Variants in CLEC16A observed in about 807,000 individuals in gnomAD.
CLEC16A encodes protein CLEC16A.
A neutral mutation model predicts 109.5 loss-of-function variants in CLEC16A; 51 were observed. The ratio of observed to expected loss-of-function variants is 0.47; its 90% confidence interval spans 0.37 to 0.59. The LOEUF (loss-of-function observed/expected upper bound fraction) is 0.59, where lower values mean the gene tolerates loss of function less well. Among genes scored for constraint, CLEC16A ranks in the 20% least tolerant of loss-of-function variants. CLEC16A has a pLI of 0.00. For synonymous variants in CLEC16A, 673 were observed against 564.2 expected, an observed-to-expected ratio of 1.19 and a Z score of -2.73; for missense variants, 1,339 against 1,394.0, an observed-to-expected ratio of 0.96 and a Z score of 0.63.
intron 19 of CLEC16A, among the ~76,000 whole-genome samples, chr16:11,092,488 G>A (rs1384452803): frequency 6.6e-6 from 1 of 151,984 alleles, no homozygotes; most frequent in Admixed American, 6.6e-5. Context: ...AGGTTCCCGT[G>A]AGCCAAGATC....
At chr16:11,112,805 TG>T (rs1301393401) in intron 19 of CLEC16A, among the ~76,000 whole-genome samples, 1 of 152,238 alleles carries the variant, frequency 6.6e-6, no homozygotes, top group Non-Finnish European at 1.5e-5. Flanking sequence ...CTAGGAGGCA[TG>T]CCATACCTTC....
intron 13 of CLEC16A, among the ~76,000 whole-genome samples, chr16:11,034,976 C>T (rs567265810): frequency 6.6e-6 from 1 of 152,002 alleles, no homozygotes; most frequent in African/African-American, 2.4e-5. Context: ...AGCCGTCTTA[C>T]CTTTCACATG....
In CLEC16A at chr16:11,178,482, C is replaced by G. The variant is rs1490399396; in HGVS notation, c.2954C>G (p.Pro985Arg). 1 of 1,613,554 alleles carries G rather than the reference C, an allele frequency of 6.2e-7. No individual in the cohort carries two copies. Among genetic ancestry groups the G allele is most frequent in the Non-Finnish European group, 8.5e-7 (1 of 1,179,902 alleles). ...ETASLSPSLV[P>R]ARQPTISLLC... ...GCCAGCCTGTCCCCCAGCCTCGTCC[C>G]TGCCCGGCAGCCCACCATTTCCCTG... is the stretch of plus-strand genomic sequence containing the variant. Residue 985 changes from proline to arginine, a missense_variant, in exon 24 of 24, where the codon CCT becomes CGT. Pro to Arg is a moderately radical substitution (Grantham distance 103). Coordinates refer to ENST00000409790, the MANE Select transcript of CLEC16A (RefSeq NM_015226.3). The surrounding 1 kb of genome is among the most constrained non-coding windows in gnomAD (Gnocchi z 6.5).
At chr16:10,975,682 C>G (rs1411186383) in intron 7 of CLEC16A, among the ~76,000 whole-genome samples, 1 of 152,060 alleles carries the variant, frequency 6.6e-6, no homozygotes, top group Non-Finnish European at 1.5e-5. Flanking sequence ...GAGTCTTGCT[C>G]TGTCACCCAG....
chr16:11,080,073 C>T (rs1318112247), intron 19 of CLEC16A, among the ~76,000 whole-genome samples: 1 of 152,236 alleles, frequency 6.6e-6, no homozygotes, highest in Non-Finnish European at 1.5e-5. Flanking sequence ...CTGTTTCCCA[C>T]CAGAAACACA....
chr16:11,131,191 C>G (rs1225200588), intron 22 of CLEC16A, among the ~76,000 whole-genome samples: 3 of 152,194 alleles, frequency 2.0e-5, no homozygotes, highest in Non-Finnish European at 2.9e-5. Flanking sequence ...CAGGCCTAGA[C>G]TCTAGCCTGA....
At chr16:11,142,898 C>A (rs2053902651) in intron 22 of CLEC16A, among the ~76,000 whole-genome samples, 1 of 152,180 alleles carries the variant, frequency 6.6e-6, no homozygotes, top group Admixed American at 6.5e-5. Flanking sequence ...GCAACCTCCG[C>A]CCCCCTGGTT....
intron 15 of CLEC16A, among the ~76,000 whole-genome samples, 159 bp from the exon 16 acceptor site, chr16:11,043,869 A>G (rs2047483244): frequency 6.7e-6 from 1 of 149,622 alleles, no homozygotes; most frequent in South Asian, 2.2e-4. Context: ...ACAAGACTCC[A>G]TCTCAAGAAA....
At chr16:11,086,451 G>A (rs187066698) in intron 19 of CLEC16A, among the ~76,000 whole-genome samples, 7 of 152,332 alleles carry the variant, frequency 4.6e-5, no homozygotes, top group East Asian at 3.9e-4. Flanking sequence ...GTAAGGCTTC[G>A]GATAGTACCT....
chr16:11,044,709 T>C (rs2047540755), intron 16 of CLEC16A, among the ~76,000 whole-genome samples: 1 of 151,922 alleles, frequency 6.6e-6, no homozygotes, highest in African/African-American at 2.4e-5. Context: ...GGCAGGTGGA[T>C]CACCTGAGGT....
chr16:11,002,543 C>T (rs1157683256), intron 10 of CLEC16A, among the ~76,000 whole-genome samples: 2 of 152,076 alleles, frequency 1.3e-5, no homozygotes, highest in African/African-American at 4.8e-5. Context: ...GGCAGTGTTG[C>T]CACATTGATG....
Position 11,013,232 on chromosome 16 carries a change from A to G in CLEC16A, c.1304-6961A>G, listed in dbSNP as rs576520790. ...TAATGCAACAATGTTGAATGAAATGATGTTATTCAAAGATCTGCTGTATTG... is the reference window on the plus strand; with the variant it reads ...TAATGCAACAATGTTGAATGAAATGGTGTTATTCAAAGATCTGCTGTATTG... On this transcript the variant is annotated intron_variant, in intron 11 of 23. Coordinates refer to ENST00000409790, the MANE Select transcript of CLEC16A (RefSeq NM_015226.3). Among the ~76,000 whole-genome samples the G allele has an allele frequency of 7.7e-4, 118 of 152,338 alleles. 1 individual carries two copies. The highest frequency in any genetic ancestry group is 1.7e-3 in the South Asian group (8 of 4,828).
rs576363886 is a variant in CLEC16A at position 10,994,579 on chromosome 16, C to T, written c.1072-8495C>T. The stretch of plus-strand genomic sequence containing the variant: ...TAAAAATGTGAAAAGATGTGTGTGT[C>T]TGTGGTCCCAGCTACATGGGAGGCT... On this transcript the variant is annotated intron_variant, in intron 10 of 23. Transcript: ENST00000409790. Among the ~76,000 whole-genome samples, 16 of 152,218 alleles carry T rather than the reference C, an allele frequency of 1.1e-4. No homozygotes were observed. In the South Asian group the frequency reaches 2.9e-3, roughly 28 times the overall value.
intron 11 of CLEC16A, among the ~76,000 whole-genome samples, chr16:11,017,391 A>C (rs555834016): frequency 6.6e-6 from 1 of 152,352 alleles, no homozygotes; most frequent in East Asian, 1.9e-4. Context: ...TGTAAGAGCC[A>C]AGTCACAATG....
chr16:11,051,421 T>C (rs893743854), intron 17 of CLEC16A, 92 bp from the exon 18 acceptor site: 44 of 1,330,496 alleles, frequency 3.3e-5, no homozygotes, highest in Non-Finnish European at 1.5e-5. Context: ...CTAAATGCGG[T>C]TGAAGGCGAG....
chr16:11,039,074 G>A (rs528472622), intron 13 of CLEC16A, among the ~76,000 whole-genome samples: 2 of 152,228 alleles, frequency 1.3e-5, no homozygotes, highest in Admixed American at 6.5e-5. Context: ...TAGAAGGTGC[G>A]TAATACGGGA....
At chr16:10,990,679 A>G (rs778409726) in intron 10 of CLEC16A, among the ~76,000 whole-genome samples, 1 of 152,206 alleles carries the variant, frequency 6.6e-6, no homozygotes, top group Non-Finnish European at 1.5e-5. Context: ...GCTTTTCTAT[A>G]TCTGTCCTGC....
chr16:10,977,225 G>C lies in CLEC16A; in HGVS notation c.729G>C (p.Glu243Asp). 6.2e-7 allele frequency: 1 copy of C among 1,613,112 alleles called. No homozygotes were observed. The highest frequency in any genetic ancestry group is 1.3e-5 in the African/African-American group (1 of 75,044). ...ELDDCVQTDE[E>D]HRNRGKLSDL... ...CTGAGGTGGTCATTTCTCCTGGCAG[G>C]CATCGGAATCGGGGTAAACTGAGTG... The change falls in exon 8 of 24, where the codon GAG becomes GAC. Residue 243 changes from glutamate to aspartate, a missense_variant and splice_region_variant. Physicochemically the swap from Glu to Asp is conservative, Grantham distance 45. Around this residue, in one of 3 missense-constraint regions of CLEC16A, gnomAD observed 161 missense variants for 267.1 expected, o/e 0.60. Transcript: ENST00000409790.
intron 19 of CLEC16A, among the ~76,000 whole-genome samples, chr16:11,089,352 C>T (rs2050181172): frequency 6.6e-5 from 10 of 152,102 alleles, no homozygotes; most frequent in Admixed American, 6.5e-4. Context: ...AATGGAAGCA[C>T]CCGAGGGACC....
Sources: gnomAD v4.1 joint callset for allele counts (sites outside exome capture counted in the v4.1 genomes callset) on GRCh38, gnomAD v4.1.1 for gene constraint, gnomAD v4.1.1 regional missense constraint, Gnocchi (gnomAD v3.1) non-coding constraint, MANE v1.5 for transcripts, NCBI Gene and HGNC (gene_info 2026-07-23, HGNC 2026-07-21) for gene names.